The following FRAS1 variants were observed in gnomAD, a reference collection of about 807,000 sequenced individuals.
FRAS1 encodes the protein extracellular matrix organizing protein FRAS1.
A neutral mutation model predicts 435.2 loss-of-function variants in FRAS1; 290 were observed. The observed-to-expected ratio is 0.67, with a 90% confidence interval of 0.61 to 0.73. The LOEUF is 0.73. FRAS1 is among the 30% of genes least tolerant of loss of function. The probability of loss-of-function intolerance (pLI) is 0.00; values close to 1 mark genes in which losing one functional copy is unlikely to be tolerated. For missense variants in FRAS1, 4,860 were observed against 5,001.5 expected (o/e 0.97, Z 0.85); for synonymous variants, 1,800 against 1,851.0 (o/e 0.97, Z 0.71).
chr4:78,529,730 A>G (rs923155102), intron 70 of FRAS1, among the ~76,000 whole-genome samples: 12 of 152,208 alleles, frequency 7.9e-5, no homozygotes, highest in African/African-American at 2.9e-4. Flanking sequence ...TGACTAACAA[A>G]TGGGTAGCAT....
chr4:78,325,252 T>G (rs1048598125), intron 18 of FRAS1, among the ~76,000 whole-genome samples: 2 of 152,182 alleles, frequency 1.3e-5, no homozygotes, highest in African/African-American at 4.8e-5. Context: ...AGGTTTAGTA[T>G]CAGTTTTTAA....
intron 38 of FRAS1, among the ~76,000 whole-genome samples, chr4:78,435,970 G>A (rs891416036): frequency 6.6e-6 from 1 of 152,032 alleles, no homozygotes; most frequent in Non-Finnish European, 1.5e-5. Flanking sequence ...TGATATTAAG[G>A]AAGGGCGGAA....
At chr4:78,198,892 C>G (rs1021475169) in intron 2 of FRAS1, among the ~76,000 whole-genome samples, 1 of 152,198 alleles carries the variant, frequency 6.6e-6, no homozygotes, top group African/African-American at 2.4e-5. Flanking sequence ...TCTAAGTATA[C>G]AGTATATAAT....
intron 2 of FRAS1, among the ~76,000 whole-genome samples, chr4:78,114,963 G>T (rs970200798): frequency 6.6e-6 from 1 of 151,980 alleles, no homozygotes; most frequent in Non-Finnish European, 1.5e-5. Context: ...ATTGGCTGTG[G>T]GTTTGTCATA....
At chr4:78,346,379 C>T (rs1042720540) in intron 20 of FRAS1, among the ~76,000 whole-genome samples, 1 of 152,086 alleles carries the variant, frequency 6.6e-6, no homozygotes, top group Non-Finnish European at 1.5e-5. Context: ...ATTTTACAGG[C>T]CAAGATAAGA....
At chr4:78,336,554 G>A (rs921715446) in intron 19 of FRAS1, among the ~76,000 whole-genome samples, 2 of 152,192 alleles carry the variant, frequency 1.3e-5, no homozygotes, top group African/African-American at 4.8e-5. Context: ...CTTTTGGATA[G>A]GTGCTTTCAA....
chr4:78,162,692 G>A (rs758778188), intron 2 of FRAS1, among the ~76,000 whole-genome samples: 3 of 152,194 alleles, frequency 2.0e-5, no homozygotes, highest in Non-Finnish European at 4.4e-5. Context: ...TTAGGTGAAT[G>A]TTTTGCTTTT....
rs184344810 is a variant in FRAS1, at chr4:78,465,035, G to A, written c.7029+452G>A. On this transcript the variant is annotated intron_variant, in intron 49 of 73. Coordinates refer to ENST00000512123, the MANE Select transcript of FRAS1 (RefSeq NM_025074.7). ...TGAGCCTCCTCAAAGACTAGGCTTT[G>A]TGCAGTAAAACAGGGCATGTGGAGA... is the stretch of plus-strand genomic sequence containing the variant. Among the ~76,000 whole-genome samples the A allele has an allele frequency of 3.6e-3, 552 of 152,218 alleles. 3 individuals are homozygous for A. The highest frequency in any genetic ancestry group is 0.012 in the African/African-American group (513 of 41,514).
At chr4:78,138,900 T>G (rs1720038657) in intron 2 of FRAS1, among the ~76,000 whole-genome samples, 1 of 152,220 alleles carries the variant, frequency 6.6e-6, no homozygotes, top group Non-Finnish European at 1.5e-5. Flanking sequence ...AGTGAACATT[T>G]ATTGAATCCT....
At chr4:78,223,595 C>CATATGGTAT (rs1724144213) in intron 2 of FRAS1, among the ~76,000 whole-genome samples, 1 of 152,066 alleles carries the variant, frequency 6.6e-6, no homozygotes, top group African/African-American at 2.4e-5. Context: ...TACATGGGAA[C>CATATGGTAT]ATATGGTATA....
chr4:78,442,129 C>T (rs1297052233), intron 41 of FRAS1, among the ~76,000 whole-genome samples: 6 of 152,242 alleles, frequency 3.9e-5, no homozygotes, highest in Non-Finnish European at 5.9e-5. Flanking sequence ...AGCCTGGTAA[C>T]CAGAAATTCA....
rs772716773 is a variant in FRAS1 at position 78,318,918 on chromosome 4, TC to T, written c.2073del (p.Ser692LeufsTer5). Reference protein sequence around the residue: ...LQVEQLSDVGIPSGECLAQCR... With the variant: ...LQVEQLSDVGXPSGECLAQCR... ...GTGGAGCAGCTGTCTGACGTGGGCATCCCCTCTGGCGAGTGTCTAGCCCAGT... is the reference window on the plus strand; with the variant it reads ...GTGGAGCAGCTGTCTGACGTGGGCATCCCTCTGGCGAGTGTCTAGCCCAGT... On this transcript the variant is annotated frameshift_variant, in exon 18 of 74. Coordinates refer to ENST00000512123, the MANE Select transcript of FRAS1 (RefSeq NM_025074.7). LOFTEE classifies it high-confidence loss of function. 5 of 1,613,972 alleles carry T rather than the reference TC, an allele frequency of 3.1e-6. No individual in the cohort carries two copies. The South Asian group carries it at 5.5e-5, about 18-fold the overall frequency.
chr4:78,442,134 A>T (rs1225530083), intron 41 of FRAS1, among the ~76,000 whole-genome samples: 4 of 152,238 alleles, frequency 2.6e-5, no homozygotes, highest in Non-Finnish European at 5.9e-5. Context: ...GGTAACCAGA[A>T]ATTCACTTAG....
intron 45 of FRAS1, 38 bp downstream of exon 45, chr4:78,450,377 A>T (rs1329971980): frequency 6.6e-7 from 1 of 1,509,408 alleles, no homozygotes; most frequent in South Asian, 1.1e-5. Flanking sequence ...GCTTCCGTGG[A>T]CTGCACCTAC....
intron 3 of FRAS1, among the ~76,000 whole-genome samples, chr4:78,238,741 G>A (rs1175297496): frequency 1.3e-5 from 2 of 152,078 alleles, no homozygotes; most frequent in Non-Finnish European, 2.9e-5. Context: ...TGGCAAAAAC[G>A]CCATGAAAAA....
At chr4:78,375,925 C>A (rs780142290) in intron 26 of FRAS1, 46 bp downstream of exon 26, 3 of 1,603,622 alleles carry the variant, frequency 1.9e-6, no homozygotes, top group Admixed American at 3.3e-5. Flanking sequence ...CCAATAATTT[C>A]TCTATGTGAA....
intron 15 of FRAS1, 42 bp from the exon 16 acceptor site, chr4:78,315,552 T>C: frequency 6.4e-7 from 1 of 1,562,476 alleles, no homozygotes. Context: ...CTTCTTTTGC[T>C]CACTATTGCC....
chr4:78,292,603 A>G (rs979604210), intron 14 of FRAS1, among the ~76,000 whole-genome samples: 1 of 152,202 alleles, frequency 6.6e-6, no homozygotes, highest in Non-Finnish European at 1.5e-5. Flanking sequence ...GTTGTGTTCC[A>G]ACACATGACT....
intron 2 of FRAS1, among the ~76,000 whole-genome samples, chr4:78,226,204 C>T (rs1724263761): frequency 6.6e-6 from 1 of 152,092 alleles, no homozygotes. Flanking sequence ...TTTGTATTTA[C>T]ACATGTGTTA....
Sources: gnomAD v4.1 joint callset for allele counts (sites outside exome capture counted in the v4.1 genomes callset) on GRCh38, gnomAD v4.1.1 for gene constraint, MANE v1.5 for transcripts, NCBI Gene and HGNC (gene_info 2026-07-23, HGNC 2026-07-21) for gene names.